The following CHL1 variants were observed in gnomAD, a reference collection of about 807,000 sequenced individuals.
CHL1 encodes the protein neural cell adhesion molecule L1-like protein.
CHL1 carries 96 observed loss-of-function variants against 141.9 expected under a neutral mutation model. The observed-to-expected ratio is 0.68, with a 90% CI of 0.57 to 0.80. CHL1 has a LOEUF of 0.80. Among genes scored for constraint, CHL1 ranks in the 30% least tolerant of loss-of-function variants. CHL1 has a pLI of 0.00. For synonymous variants in CHL1, 613 were observed against 502.2 expected, an observed-to-expected ratio of 1.22 and a Z score of -2.95; for missense variants, 1,820 against 1,457.2, an observed-to-expected ratio of 1.25 and a Z score of -4.05.
intron 1 of CHL1, among the ~76,000 whole-genome samples, chr3:199,149 T>C (rs1575586418): frequency 1.3e-5 from 2 of 152,224 alleles, no homozygotes; most frequent in African/African-American, 2.4e-5. Context: ...TTCCATTTTA[T>C]GGCCTTAAGT....
chr3:383,500 A>T (rs936577327), intron 18 of CHL1, among the ~76,000 whole-genome samples: 9 of 152,114 alleles, frequency 5.9e-5, no homozygotes, highest in Non-Finnish European at 7.4e-5. Context: ...ATTTTTTTTT[A>T]AAAAAGCAGG....
chr3:276,411 T>C (rs1232817107), intron 2 of CHL1, among the ~76,000 whole-genome samples: 1 of 152,148 alleles, frequency 6.6e-6, no homozygotes, highest in Non-Finnish European at 1.5e-5. Context: ...TTTAGCCTGT[T>C]TGGAAGAAAG....
intron 5 of CHL1, among the ~76,000 whole-genome samples, chr3:339,358 A>G (rs1331715195): frequency 6.6e-6 from 1 of 152,244 alleles, no homozygotes; most frequent in African/African-American, 2.4e-5. Flanking sequence ...CTCTTAATGT[A>G]GTGAATATAC....
In CHL1 at chr3:366,011, A is replaced by C; in HGVS notation, c.1647A>C (p.Glu549Asp). The stretch of plus-strand genomic sequence containing the variant: ...GTATCCCCAAATTGCATATGCTTGA[A>C]TTACATTGTGAAAGCAAATGTGACT... ...NPRIPKLHML[E>D]LHCESKCDSH... The change falls in exon 15 of 28, where the codon GAA becomes GAC. Residue 549 changes from glutamate (E) to aspartate (D), a missense_variant. Coordinates refer to ENST00000256509, the MANE Select transcript of CHL1 (RefSeq NM_006614.4). 6.2e-7 allele frequency: 1 copy of C among 1,613,690 alleles called. No individual in the cohort carries two copies. The highest frequency in any genetic ancestry group is 8.5e-7 in the Non-Finnish European group (1 of 1,179,628).
chr3:304,973 G>T (rs929921169), intron 2 of CHL1, among the ~76,000 whole-genome samples: 1 of 151,936 alleles, frequency 6.6e-6, no homozygotes, highest in African/African-American at 2.4e-5. Flanking sequence ...ATTTCTCTCT[G>T]ATAAATTATA....
At chr3:287,601 C>G (rs1697278401) in intron 2 of CHL1, among the ~76,000 whole-genome samples, 1 of 152,162 alleles carries the variant, frequency 6.6e-6, no homozygotes, top group Admixed American at 6.5e-5. Context: ...ATATTTAACT[C>G]TTTAGGTAAT....
chr3:376,022 G>A (rs1706271382), intron 15 of CHL1, among the ~76,000 whole-genome samples: 1 of 152,154 alleles, frequency 6.6e-6, no homozygotes, highest in South Asian at 2.1e-4. Flanking sequence ...CTCAGGCAAG[G>A]TAATTAAGCA....
chr3:274,966 C>T (rs532164295), intron 2 of CHL1, among the ~76,000 whole-genome samples: 1 of 152,260 alleles, frequency 6.6e-6, no homozygotes, highest in Non-Finnish European at 1.5e-5. Flanking sequence ...AGACAAGAAG[C>T]AATATCTCTC....
chr3:299,961 G>T (rs187280167), intron 2 of CHL1, among the ~76,000 whole-genome samples: 37 of 152,284 alleles, frequency 2.4e-4, no homozygotes, highest in Middle Eastern at 3.4e-3. Context: ...GAAGTTGTTG[G>T]CCGCCTCTCC....
chr3:269,325 G>T (rs1695432180), intron 2 of CHL1, among the ~76,000 whole-genome samples: 1 of 152,152 alleles, frequency 6.6e-6, no homozygotes, highest in African/African-American at 2.4e-5. Context: ...ACTGGTGCAC[G>T]TGAAAGAAGG....
intron 1 of CHL1, among the ~76,000 whole-genome samples, chr3:238,007 A>AT (rs376774291): frequency 1.3e-5 from 2 of 152,184 alleles, no homozygotes; most frequent in African/African-American, 4.8e-5. Context: ...AAAGTATCGT[A>AT]TTTTTTCTAG....
chr3:239,597 A>AAT (rs749927874), intron 1 of CHL1, among the ~76,000 whole-genome samples: 1 of 147,524 alleles, frequency 6.8e-6, no homozygotes, highest in African/African-American at 2.5e-5. Context: ...ATATATATAA[A>AAT]ATATATATAT....
intron 10 of CHL1, among the ~76,000 whole-genome samples, chr3:353,676 G>T (rs1703460813): frequency 6.6e-6 from 1 of 151,990 alleles, no homozygotes; most frequent in Non-Finnish European, 1.5e-5. Context: ...CCTTTACTTA[G>T]AAAAATTTTA....
chr3:276,483 G>A lies in CHL1; in HGVS notation c.-95+31791G>A, dbSNP rs112919525. Among the ~76,000 whole-genome samples the A allele has an allele frequency of 3.4e-3, 515 of 152,212 alleles. 2 individuals carry two copies. The highest frequency in any genetic ancestry group is 0.012 in the African/African-American group (493 of 41,526). ...GTGACTCAACTGCCTTTGACCATGA[G>A]GTTTCAATAAGAGGCAAGAAGAACT... On this transcript the variant is annotated intron_variant, in intron 2 of 27. Coordinates refer to ENST00000256509, the MANE Select transcript of CHL1 (RefSeq NM_006614.4).
At chr3:256,167 C>G (rs1345187811) in intron 2 of CHL1, among the ~76,000 whole-genome samples, 1 of 152,028 alleles carries the variant, frequency 6.6e-6, no homozygotes, top group Non-Finnish European at 1.5e-5. Flanking sequence ...GTGTGCCTGA[C>G]AAAGAGATGA....
At chr3:316,560 G>C (rs113119849) in intron 2 of CHL1, among the ~76,000 whole-genome samples, 66 of 151,968 alleles carry the variant, frequency 4.3e-4, no homozygotes, top group African/African-American at 1.5e-3. Flanking sequence ...ATTTCTTTGT[G>C]GATCTGAGTT....
At chr3:248,041 T>C (rs1406466356) in intron 2 of CHL1, 1 of 152,138 alleles carries the variant, frequency 6.6e-6, no homozygotes, top group Non-Finnish European at 1.5e-5. Context: ...CCTTTCTTGT[T>C]GTTCACCCAC....
At chr3:268,027 T>C (rs575381843) in intron 2 of CHL1, among the ~76,000 whole-genome samples, 37 of 152,240 alleles carry the variant, frequency 2.4e-4, no homozygotes, top group Non-Finnish European at 4.1e-4. Context: ...CTAATTTATT[T>C]ACTTCACATT....
At chr3:254,420 C>G (rs94029) in intron 2 of CHL1, among the ~76,000 whole-genome samples, 33,719 of 152,046 alleles carry the variant, frequency 0.22, 4,346 homozygotes, top group East Asian at 0.39. Flanking sequence ...CCCACTGAAA[C>G]TGGGAGAAGT....
Sources: gnomAD v4.1 joint callset for allele counts (sites outside exome capture counted in the v4.1 genomes callset) on GRCh38, gnomAD v4.1.1 for gene constraint, MANE v1.5 for transcripts, NCBI Gene and HGNC (gene_info 2026-07-23, HGNC 2026-07-21) for gene names.